VPS37A: variants seen among roughly 807,000 people sequenced by gnomAD.
VPS37A encodes vacuolar protein sorting-associated protein 37A.
Under a neutral mutation model 49.8 loss-of-function variants are expected in VPS37A, and 30 were observed. The ratio of observed to expected loss-of-function variants is 0.60; its 90% confidence interval spans 0.45 to 0.82. The LOEUF is 0.82. VPS37A is among the 40% of genes least tolerant of loss of function. VPS37A has a pLI of 0.00. For missense variants in VPS37A, 593 were observed against 464.4 expected, an observed-to-expected ratio of 1.28 and a Z score of -2.55; for synonymous variants, 195 against 160.6, an observed-to-expected ratio of 1.21 and a Z score of -1.62.
At position 17,280,447 on chromosome 8, in the gene VPS37A, A is replaced by C. The variant is rs754200125; in HGVS notation, c.969+4A>C. The C allele has an allele frequency of 6.3e-7, 1 of 1,591,364 alleles. No homozygotes were observed. Among genetic ancestry groups the C allele is most frequent in the Non-Finnish European group, 8.5e-7 (1 of 1,173,578 alleles). Reference sequence around the variant, plus strand: ...AAGGCAGCATGAACTTAGTGAGGTAAGACTGTTTATTTTTTTCCCTTTGCC... The same window carrying C: ...AAGGCAGCATGAACTTAGTGAGGTACGACTGTTTATTTTTTTCCCTTTGCC... On this transcript the variant is annotated splice_donor_region_variant and intron_variant, in intron 9 of 11. Coordinates refer to ENST00000324849, the MANE Select transcript of VPS37A (RefSeq NM_152415.3).
downstream of VPS37A, chr8:17,305,781 C>T (rs1484097457): frequency 6.2e-7 from 1 of 1,612,956 alleles, no homozygotes; most frequent in Admixed American, 1.7e-5. Flanking sequence ...CTCCTTTTGG[C>T]TGTTACATAG....
intron 4 of VPS37A, among the ~76,000 whole-genome samples, chr8:17,274,073 TTC>T (rs550325665): frequency 1.4e-4 from 21 of 152,292 alleles, no homozygotes; most frequent in South Asian, 2.1e-4. Flanking sequence ...AATGATCTGG[TTC>T]TCTCTAAAAT....
downstream of VPS37A, chr8:17,299,986 T>A (rs1381562074): frequency 6.2e-7 from 1 of 1,614,164 alleles, no homozygotes; most frequent in Non-Finnish European, 8.5e-7. Flanking sequence ...TTGGTCACTG[T>A]TGGCTGACAG....
At chr8:17,313,152 A>G in the VPS37A span, 1 of 532,636 alleles carries the variant, frequency 1.9e-6, no homozygotes, top group South Asian at 3.5e-5. Flanking sequence ...CAGCGCACAG[A>G]CTACGGAGCT....
downstream of VPS37A, chr8:17,305,606 G>T: frequency 1.6e-6 from 1 of 623,590 alleles, no homozygotes. Flanking sequence ...TTTATGAAAT[G>T]ACACCAGGAA....
chr8:17,286,249 T>C (rs1172486847), intron 10 of VPS37A, 98 bp from the exon 11 acceptor site: 2 of 900,952 alleles, frequency 2.2e-6, no homozygotes, highest in East Asian at 5.3e-5. Flanking sequence ...CATAAAATAA[T>C]GCCAACAAGT....
At chr8:17,327,421 C>G in the VPS37A span, among the ~76,000 whole-genome samples, 1 of 149,488 alleles carries the variant, frequency 6.7e-6, no homozygotes, top group Admixed American at 6.7e-5. Context: ...CAGGCACACA[C>G]CACCACGCCT....
At chr8:17,311,942 C>T in the VPS37A span, 4 of 253,312 alleles carry the variant, frequency 1.6e-5, no homozygotes, top group Admixed American at 5.0e-5. Flanking sequence ...CTTCCCTCCC[C>T]TCTGAGTTTC....
downstream of VPS37A, chr8:17,304,406 G>A (rs772719207): frequency 3.1e-6 from 5 of 1,613,838 alleles, no homozygotes; most frequent in Non-Finnish European, 4.2e-6. Context: ...TGGTGTTGTA[G>A]GGAGATGAAG....
At chr8:17,264,062 G>A (rs1166579777) in intron 1 of VPS37A, among the ~76,000 whole-genome samples, 1 of 152,160 alleles carries the variant, frequency 6.6e-6, no homozygotes, top group Non-Finnish European at 1.5e-5. Flanking sequence ...TACTGTGTTG[G>A]GGGATTTACA....
the VPS37A span, among the ~76,000 whole-genome samples, chr8:17,332,280 G>C: frequency 1.3e-5 from 2 of 152,154 alleles, no homozygotes; most frequent in Non-Finnish European, 2.9e-5. Flanking sequence ...AAAGCTAAAA[G>C]AGCTAAGTTT....
At chr8:17,327,086 T>A in the VPS37A span, among the ~76,000 whole-genome samples, 7 of 152,336 alleles carry the variant, frequency 4.6e-5, no homozygotes, top group Non-Finnish European at 8.8e-5. Flanking sequence ...ATTTTTTGCT[T>A]ACATTATACA....
At chr8:17,329,621 C>T in the VPS37A span, among the ~76,000 whole-genome samples, 1 of 152,176 alleles carries the variant, frequency 6.6e-6, no homozygotes, top group Admixed American at 6.5e-5. Context: ...TCCAGGTCAT[C>T]TTATGAAATG....
intron 1 of VPS37A, among the ~76,000 whole-genome samples, chr8:17,253,188 C>T (rs551852499): frequency 2.0e-5 from 3 of 152,200 alleles, no homozygotes; most frequent in Non-Finnish European, 2.9e-5. Context: ...GCCCCTCCCC[C>T]CAACCTGAAC....
the VPS37A span, among the ~76,000 whole-genome samples, chr8:17,329,900 T>C: frequency 2.0e-5 from 3 of 152,164 alleles, no homozygotes; most frequent in East Asian, 1.9e-4. Context: ...CTGCCAATTA[T>C]GTACAGAAGA....
downstream of VPS37A, among the ~76,000 whole-genome samples, chr8:17,302,648 C>T (rs546022179): frequency 4.4e-5 from 6 of 136,984 alleles, no homozygotes; most frequent in Non-Finnish European, 9.2e-5. Flanking sequence ...CTTAAACTTG[C>T]AGCTTTTATC....
At chr8:17,273,680 C>G (rs1192754760) in intron 4 of VPS37A, among the ~76,000 whole-genome samples, 1 of 152,002 alleles carries the variant, frequency 6.6e-6, no homozygotes, top group Non-Finnish European at 1.5e-5. Flanking sequence ...TTTGCTTTAT[C>G]AAAGGACTAA....
intron 11 of VPS37A, among the ~76,000 whole-genome samples, chr8:17,287,929 G>A (rs1815762802): frequency 1.3e-5 from 2 of 151,988 alleles, no homozygotes; most frequent in Admixed American, 6.6e-5. Context: ...GAGCATGAGA[G>A]GTTCCCTAAA....
chr8:17,279,884 G>A, intron 6 of VPS37A, 144 bp from the exon 7 acceptor site: 1 of 915,288 alleles, frequency 1.1e-6, no homozygotes, highest in Non-Finnish European at 1.7e-6. Flanking sequence ...TTGATTTTAA[G>A]GTTAAAACTG....
Sources: gnomAD v4.1 joint callset for allele counts (sites outside exome capture counted in the v4.1 genomes callset) on GRCh38, gnomAD v4.1.1 for gene constraint, MANE v1.5 for transcripts, NCBI Gene and HGNC (gene_info 2026-07-23, HGNC 2026-07-21) for gene names.